ZNF48: variants seen among roughly 807,000 people sequenced by gnomAD.
ZNF48 encodes zinc finger protein 48.
ZNF48 carries 20 observed loss-of-function variants against 40.0 expected under a neutral mutation model. The ratio of observed to expected loss-of-function variants is 0.50; its 90% confidence interval spans 0.35 to 0.73. ZNF48 has a LOEUF of 0.73. Ranked by LOEUF, ZNF48 falls within the 30% of genes least tolerant of loss-of-function variation. The pLI, the probability that ZNF48 is intolerant of heterozygous loss-of-function variation, is 0.01. For synonymous variants in ZNF48, 298 were observed against 329.7 expected (o/e 0.90, Z 1.04); for missense variants, 726 against 851.9 (o/e 0.85, Z 1.84).
In ZNF48 at chr16:30,397,909, A is replaced by ACAAGTGTGG; in HGVS notation, c.662_670dup (p.Lys221_Gly223dup). On this transcript the variant is annotated inframe_insertion, in exon 3 of 3. Transcript: ENST00000613509. The surrounding 1 kb of genome is among the most constrained non-coding windows in gnomAD (Gnocchi z 4.1). ...CGGACACACACTGGTGAGAAGCCCT[A>ACAAGTGTGG]CAAGTGTGGCATATGTGGCAAGGGC... 1 of 1,612,968 alleles carries ACAAGTGTGG rather than the reference A, an allele frequency of 6.2e-7. No individual in the cohort carries two copies.
chr16:30,397,434 G>A lies in ZNF48; in HGVS notation c.184G>A (p.Val62Ile), dbSNP rs768421305. Residue 62 changes from valine (V) to isoleucine (I), a missense_variant, in exon 3 of 3, where the codon GTA (valine) becomes ATA (isoleucine). Around this residue, in one of 5 missense-constraint regions of ZNF48, gnomAD observed 151 missense variants for 162.3 expected, o/e 0.93. Coordinates refer to ENST00000613509, the MANE Select transcript of ZNF48 (RefSeq NM_001214909.2). The surrounding 1 kb of genome is among the most constrained non-coding windows in gnomAD (Gnocchi z 4.1). ...KEEDLAPDHE[V>I]GNASLKPEGI... ...AGAAGATTTGGCTCCAGATCATGAA[G>A]TAGGAAATGCCTCTCTCAAACCTGA... is the stretch of plus-strand genomic sequence containing the variant. 1.2e-5 allele frequency: 19 copies of A among 1,614,030 alleles called. No homozygotes were observed. The East Asian group carries it at 3.8e-4, about 32-fold the overall frequency.
At chr16:30,379,157 G>A in intron 1 of ZNF48, 1 of 1,614,164 alleles carries the variant, frequency 6.2e-7, no homozygotes, top group East Asian at 2.2e-5. Flanking sequence ...CGCAGGTTCA[G>A]GAAATCGCAG....
intron 1 of ZNF48, chr16:30,378,634 C>G: frequency 6.2e-7 from 1 of 1,611,076 alleles, no homozygotes. Context: ...CGCGGATCAG[C>G]TTCTCGGTGT....
Position 30,381,491 on chromosome 16 carries a change from A to C in ZNF48, c.-16+3081A>C. On this transcript the variant is annotated intron_variant, in intron 1 of 2. Transcript: ENST00000528032. The surrounding 1 kb of genome is among the most constrained non-coding windows in gnomAD (Gnocchi z 4.3). ...GAAGCCAGCTGGGTGTGGGGAGAGG[A>C]TGTGAGGTCAGAGATCAAAGGCCAG... The C allele has an allele frequency of 1.2e-6, 2 of 1,613,664 alleles. No individual in the cohort carries two copies. The highest frequency in any genetic ancestry group is 1.7e-6 in the Non-Finnish European group (2 of 1,179,872).
Position 30,382,915 on chromosome 16 carries a change from T to C in ZNF48, c.-16+4505T>C. The stretch of plus-strand genomic sequence containing the variant: ...CAGGACGGGCAAGGTGGCTCTCGCC[T>C]GTAATCTCAGCACTTTGGGAGGCGG... On this transcript the variant is annotated intron_variant, in intron 1 of 2. Coordinates refer to the ZNF48 transcript ENST00000528032. The surrounding 1 kb of genome is among the most constrained non-coding windows in gnomAD (Gnocchi z 4.8). 1 of 848,192 alleles carries C rather than the reference T, an allele frequency of 1.2e-6. No individual in the cohort carries two copies. Among genetic ancestry groups the C allele is most frequent in the South Asian group, 1.5e-5 (1 of 68,478 alleles). 52.5% of individuals were successfully genotyped at this position (848,192 alleles called of 1,614,324 possible). A position where few individuals can be genotyped will look rare whatever the true frequency, so the allele number is the denominator to read the frequency against.
In ZNF48 at chr16:30,395,979, C is replaced by A; in HGVS notation, c.79+106C>A. On this transcript the variant is annotated intron_variant, in intron 2 of 2. Transcript: ENST00000613509. This position sits in a 1 kb window ranked among gnomAD's most constrained non-coding sequence, Gnocchi z 5.9. Reference sequence around the variant, plus strand: ...CCTGGAAGATCGGACGTGAGCTGTGCCTCTGGGGAGATAGGGGGAGGGGAG... The same window carrying A: ...CCTGGAAGATCGGACGTGAGCTGTGACTCTGGGGAGATAGGGGGAGGGGAG... 2 of 1,208,984 alleles carry A rather than the reference C, an allele frequency of 1.7e-6. No homozygotes were observed. The highest frequency in any genetic ancestry group is 2.2e-6 in the Non-Finnish European group (2 of 920,208). 74.9% of individuals were successfully genotyped at this position (1,208,984 alleles called of 1,614,324 possible).
chr16:30,384,751 G>A (rs1003143961), intron 1 of ZNF48, among the ~76,000 whole-genome samples: 5 of 151,478 alleles, frequency 3.3e-5, no homozygotes, highest in Non-Finnish European at 5.9e-5. Context: ...GGTGGTGCAC[G>A]CCTGTAATCA....
chr16:30,386,940 T>A (rs1260957628), intron 1 of ZNF48, among the ~76,000 whole-genome samples: 1 of 100,530 alleles, frequency 9.9e-6, no homozygotes, highest in African/African-American at 3.2e-5. Flanking sequence ...GCACCTGGCC[T>A]TTTTTTTTTT....
In ZNF48 at chr16:30,398,114, C is replaced by T. The variant is rs764600191; in HGVS notation, c.864C>T (p.Cys288=). Residue 288 remains cysteine (C), a synonymous_variant, in exon 3 of 3, where the codon TGC becomes TGT. Transcript: ENST00000613509. This position sits in a 1 kb window ranked among gnomAD's most constrained non-coding sequence, Gnocchi z 6.6. ...GCGGCAAGAGGTTTGTGCTCAGCTG[C>T]AGCCTCCTGAGTCACCAGCGTAGTC... The part of the protein sequence containing the change: ...TDCGKRFVLS[C]SLLSHQRSHL... 1 of 1,613,404 alleles carries T rather than the reference C, an allele frequency of 6.2e-7. No homozygotes were observed. The highest frequency in any genetic ancestry group is 1.3e-5 in the African/African-American group (1 of 74,940).
At chr16:30,396,266 C>G (rs766163974) in intron 2 of ZNF48, among the ~76,000 whole-genome samples, 7 of 152,166 alleles carry the variant, frequency 4.6e-5, no homozygotes, top group Non-Finnish European at 5.9e-5. Flanking sequence ...AATTAAAAGC[C>G]TTAGCTAGTG....
In ZNF48 at chr16:30,398,855, G is replaced by A. The variant is rs2050023113; in HGVS notation, c.1605G>A (p.Gln535=). 1 of 1,613,818 alleles carries A rather than the reference G, an allele frequency of 6.2e-7. No individual in the cohort carries two copies. The highest frequency in any genetic ancestry group is 1.7e-5 in the Admixed American group (1 of 59,992). Residue 535 remains glutamine (Q), a synonymous_variant, in exon 3 of 3, where the codon CAG becomes CAA. Transcript: ENST00000613509. The surrounding 1 kb of genome is among the most constrained non-coding windows in gnomAD (Gnocchi z 6.6). ...PMAPRPRVRA[Q]PSGPSQPHVC... ...CCCCTCGACCCCGAGTTCGGGCCCAGCCTTCTGGACCCAGCCAGCCCCACG... is the reference window on the plus strand; with the variant it reads ...CCCCTCGACCCCGAGTTCGGGCCCAACCTTCTGGACCCAGCCAGCCCCACG...
At position 30,395,699 on chromosome 16, in the gene ZNF48, G is replaced by A; in HGVS notation, c.-15-81G>A. On this transcript the variant is annotated intron_variant, in intron 1 of 2. Transcript: ENST00000613509. This position sits in a 1 kb window ranked among gnomAD's most constrained non-coding sequence, Gnocchi z 5.9. ...CCCGACGCCGCCCGGTGCCCGCGCT[G>A]GCCGGCAGAGGGCAGCGGCAGGGCG... The A allele has an allele frequency of 8.5e-7, 1 of 1,177,520 alleles. No individual in the cohort carries two copies. The highest frequency in any genetic ancestry group is 1.1e-6 in the Non-Finnish European group (1 of 936,596). 72.9% of individuals were successfully genotyped at this position (1,177,520 alleles called of 1,614,324 possible). A position where few individuals can be genotyped will look rare whatever the true frequency, so the allele number is the denominator to read the frequency against.
chr16:30,385,053 G>A (rs1324096439), intron 1 of ZNF48, among the ~76,000 whole-genome samples: 2 of 152,048 alleles, frequency 1.3e-5, no homozygotes, highest in Non-Finnish European at 2.9e-5. Context: ...GCGCATGCCT[G>A]TAATCCCAGC....
Position 30,381,543 on chromosome 16 carries a change from CTG to C in ZNF48, c.-16+3136_-16+3137del, listed in dbSNP as rs952154686. 2.4e-5 allele frequency: 38 copies of C among 1,578,008 alleles called. No individual in the cohort carries two copies. Among genetic ancestry groups the C allele is most frequent in the Non-Finnish European group, 3.2e-5 (37 of 1,151,078 alleles). ...GGGCAGGGGGCAAGGCTAGCCAGGA[CTG>C]TGGGAGTAGAATGTCATTTCTTTGG... On this transcript the variant is annotated intron_variant, in intron 1 of 2. Transcript: ENST00000528032. The surrounding 1 kb of genome is among the most constrained non-coding windows in gnomAD (Gnocchi z 4.3).
Position 30,382,567 on chromosome 16 carries a change from C to G in ZNF48, c.-16+4157C>G. The G allele has an allele frequency of 1.3e-6, 2 of 1,582,770 alleles. No individual in the cohort carries two copies. The highest frequency in any genetic ancestry group is 8.6e-7 in the Non-Finnish European group (1 of 1,164,040). Reference sequence around the variant, plus strand: ...TCACTGCACCTGCCGTCTCTCCCCACTTCCTCTGGTGGGGCAGGAAGCTGA... The same window carrying G: ...TCACTGCACCTGCCGTCTCTCCCCAGTTCCTCTGGTGGGGCAGGAAGCTGA... On this transcript the variant is annotated intron_variant, in intron 1 of 2. Transcript: ENST00000528032. The surrounding 1 kb of genome is among the most constrained non-coding windows in gnomAD (Gnocchi z 4.8).
intron 1 of ZNF48, among the ~76,000 whole-genome samples, chr16:30,385,208 ATAATAATAATAAT>A (rs2049891873): frequency 4.1e-5 from 6 of 145,932 alleles, no homozygotes; most frequent in Admixed American, 4.1e-4. Context: ...AATAATAATA[ATAATAATAATAAT>A]ATAAATAAAT....
chr16:30,387,896 A>G (rs1421356465), intron 1 of ZNF48, among the ~76,000 whole-genome samples: 1 of 151,912 alleles, frequency 6.6e-6, no homozygotes, highest in African/African-American at 2.4e-5. Context: ...CACTGTTTAT[A>G]TTTATAAAAA....
intron 1 of ZNF48, chr16:30,379,641 T>TTTTTTTTC (rs2049814355): frequency 4.7e-6 from 1 of 214,940 alleles, no homozygotes; most frequent in African/African-American, 2.2e-4. Flanking sequence ...CCCCTTCCTC[T>TTTTTTTTC]TTTTTTTTTT....
rs1555499277 is a variant in ZNF48, at chr16:30,378,847, A to AGAGAGGGGAAGAGAGG, written c.-16+445_-16+446insAAGAGAGGGAGAGGGG. On this transcript the variant is annotated intron_variant, in intron 1 of 2. Coordinates refer to the ZNF48 transcript ENST00000528032. ...AGGGCCGGAGGCAAAGCGGGTGGGG[A>AGAGAGGGGAAGAGAGG]GAGAGGGGGAGAGAGGGAGAGACGG... 84 of 531,158 alleles carry AGAGAGGGGAAGAGAGG rather than the reference A, an allele frequency of 1.6e-4. No individual in the cohort carries two copies. In the East Asian group the frequency reaches 2.7e-3, roughly 17 times the overall value. The allele number at this position is 531,158 out of a possible 1,614,324, so 32.9% of individuals were successfully genotyped here. A position where few individuals can be genotyped will look rare whatever the true frequency, so the allele number is the denominator to read the frequency against.
Sources: allele counts gnomAD v4.1 joint callset (sites outside exome capture counted in the v4.1 genomes callset), GRCh38; gene constraint gnomAD v4.1.1; regional missense constraint gnomAD v4.1.1; non-coding constraint Gnocchi (gnomAD v3.1); transcripts MANE v1.5; gene names NCBI Gene and HGNC (gene_info 2026-07-23, HGNC 2026-07-21).